The following DTWD2 variants were observed in gnomAD, a reference collection of about 807,000 sequenced individuals.
DTWD2 encodes the protein DTW motif tRNA-uridine aminocarboxypropyltransferase 2, also known as tRNA-uridine aminocarboxypropyltransferase 2.
DTWD2 carries 39 observed loss-of-function variants against 31.8 expected under a neutral mutation model. The ratio of observed to expected loss-of-function variants is 1.22; its 90% CI spans 0.95 to 1.60. The LOEUF (loss-of-function observed/expected upper bound fraction) is 1.60. Among genes scored for constraint, DTWD2 ranks in the 40% most tolerant of loss-of-function variants. DTWD2 has a pLI of 0.00. For synonymous variants in DTWD2, 180 were observed against 142.8 expected (o/e 1.26, Z -1.86); for missense variants, 515 against 381.5 (o/e 1.35, Z -2.92).
chr5:118,971,532 G>A (rs143760712), intron 1 of DTWD2, among the ~76,000 whole-genome samples: 1 of 152,244 alleles, frequency 6.6e-6, no homozygotes, highest in Admixed American at 6.5e-5. Flanking sequence ...CAATAATAGT[G>A]AGAGACTTTA....
At chr5:118,919,451 A>G (rs1446825715) in intron 4 of DTWD2, among the ~76,000 whole-genome samples, 2 of 152,230 alleles carry the variant, frequency 1.3e-5, no homozygotes, top group Non-Finnish European at 2.9e-5. Flanking sequence ...CACCTTTAGA[A>G]TGTGAACAAA....
At chr5:118,899,914 G>A (rs1293173960) in intron 4 of DTWD2, among the ~76,000 whole-genome samples, 1 of 148,540 alleles carries the variant, frequency 6.7e-6, no homozygotes, top group Non-Finnish European at 1.5e-5. Context: ...CGATTCTCCT[G>A]CTTCAGCCTC....
chr5:118,974,321 A>G (rs397842549), intron 1 of DTWD2, among the ~76,000 whole-genome samples: 4 of 152,036 alleles, frequency 2.6e-5, no homozygotes, highest in Non-Finnish European at 5.9e-5. Context: ...ACAGGGGAGG[A>G]AAAAAGAACC....
intron 4 of DTWD2, among the ~76,000 whole-genome samples, chr5:118,887,871 G>A (rs886216562): frequency 6.6e-6 from 1 of 152,122 alleles, no homozygotes; most frequent in African/African-American, 2.4e-5. Flanking sequence ...AAACTCCTAA[G>A]CTCAAGTGAC....
intron 2 of DTWD2, among the ~76,000 whole-genome samples, chr5:118,944,059 G>GA (rs1754270573): frequency 1.3e-5 from 2 of 152,076 alleles, no homozygotes; most frequent in South Asian, 4.1e-4. Context: ...ACCTGCACAA[G>GA]AAAGTATTAA....
intron 4 of DTWD2, among the ~76,000 whole-genome samples, chr5:118,894,013 C>G (rs1189818057): frequency 6.6e-6 from 1 of 151,216 alleles, no homozygotes; most frequent in Non-Finnish European, 1.5e-5. Flanking sequence ...AGGCACCCAG[C>G]CTGGGTGACA....
intron 1 of DTWD2, among the ~76,000 whole-genome samples, chr5:118,946,597 A>C: frequency 6.6e-6 from 1 of 152,356 alleles, no homozygotes; most frequent in Non-Finnish European, 1.5e-5. Flanking sequence ...ATAACCAGGC[A>C]AATTTAAATA....
At position 118,892,798 on chromosome 5, in the gene DTWD2, C is replaced by T. The variant is rs72784029; in HGVS notation, c.597+35739G>A. On this transcript the variant is annotated intron_variant, in intron 4 of 5. Transcript: ENST00000510708. ...TTCTAGGAGGTAAAAAAAAACCCAG[C>T]TCCATAAATATGAAACAACATATGT... Among the ~76,000 whole-genome samples, 549 of 152,122 alleles carry T rather than the reference C, an allele frequency of 3.6e-3. 2 individuals carry two copies. The highest frequency in any genetic ancestry group is 6.0e-3 in the Non-Finnish European group (407 of 67,974).
intron 4 of DTWD2, among the ~76,000 whole-genome samples, chr5:118,913,505 A>G (rs971583325): frequency 1.3e-5 from 2 of 150,044 alleles, no homozygotes; most frequent in African/African-American, 4.9e-5. Context: ...TGGTCTATAG[A>G]GTTTTAAAAT....
At chr5:118,907,292 T>C (rs192683623) in intron 4 of DTWD2, among the ~76,000 whole-genome samples, 1 of 152,344 alleles carries the variant, frequency 6.6e-6, no homozygotes, top group Admixed American at 6.5e-5. Flanking sequence ...AGTGGTTATT[T>C]TAGACTTGTA....
intron 4 of DTWD2, among the ~76,000 whole-genome samples, chr5:118,887,841 A>G (rs1752900101): frequency 1.3e-5 from 2 of 152,146 alleles, no homozygotes; most frequent in African/African-American, 4.8e-5. Flanking sequence ...AGGTCTCTCT[A>G]TGCTGCCCAG....
In DTWD2 at chr5:118,838,978, CG is replaced by C. The variant is rs1385073517; in HGVS notation, c.*1938del. The C allele has an allele frequency of 6.6e-6, 1 of 151,840 alleles. No individual in the cohort carries two copies. The highest frequency in any genetic ancestry group is 1.9e-4 in the East Asian group (1 of 5,162). The allele number at this position is 151,840 out of a possible 1,614,324, so 9.4% of individuals were successfully genotyped here. A position where few individuals can be genotyped will look rare whatever the true frequency, so the allele number is the denominator to read the frequency against. On this transcript the variant is annotated 3_prime_UTR_variant, in exon 6 of 6. Transcript: ENST00000510708. ...GAGATCGAGACCATCCTGGCTAATACGGTGAAACCCCATCTCTACTAAAAAT... is the reference window on the plus strand; with the variant it reads ...GAGATCGAGACCATCCTGGCTAATACGTGAAACCCCATCTCTACTAAAAAT...
chr5:118,923,997 G>A (rs756087693), intron 4 of DTWD2, among the ~76,000 whole-genome samples: 5 of 152,184 alleles, frequency 3.3e-5, no homozygotes, highest in African/African-American at 9.6e-5. Context: ...ACTGGCTTCT[G>A]CAGCCCAGTG....
At chr5:118,875,278 T>C (rs1484050740) in intron 4 of DTWD2, among the ~76,000 whole-genome samples, 1 of 152,082 alleles carries the variant, frequency 6.6e-6, no homozygotes, top group African/African-American at 2.4e-5. Flanking sequence ...AGTGACACTA[T>C]AAAGCAACCA....
chr5:118,965,744 TC>T (rs1358155968), intron 1 of DTWD2, among the ~76,000 whole-genome samples: 10 of 152,126 alleles, frequency 6.6e-5, no homozygotes, highest in African/African-American at 2.4e-4. Flanking sequence ...GGCAGCATGC[TC>T]GTTAAGAGTC....
At chr5:118,963,694 T>C (rs969660406) in intron 1 of DTWD2, among the ~76,000 whole-genome samples, 3 of 152,206 alleles carry the variant, frequency 2.0e-5, no homozygotes, top group Non-Finnish European at 4.4e-5. Context: ...TGCCGAGTGA[T>C]GGCACAGAGA....
chr5:118,963,718 A>G (rs1447916492), intron 1 of DTWD2, among the ~76,000 whole-genome samples: 1 of 152,178 alleles, frequency 6.6e-6, no homozygotes, highest in Non-Finnish European at 1.5e-5. Context: ...GCCAGGTACT[A>G]AAGAGTAGTT....
chr5:118,859,060 T>G (rs1679534559), intron 4 of DTWD2, among the ~76,000 whole-genome samples: 1 of 152,140 alleles, frequency 6.6e-6, no homozygotes, highest in South Asian at 2.1e-4. Flanking sequence ...CCCTGACCCC[T>G]CCATAATAAA....
intron 4 of DTWD2, among the ~76,000 whole-genome samples, chr5:118,867,245 T>G (rs1364507927): frequency 3.3e-5 from 5 of 152,206 alleles, no homozygotes; most frequent in Non-Finnish European, 7.4e-5. Flanking sequence ...TAGTTTAAAA[T>G]TGAACAGCAT....
Sources: gnomAD v4.1 joint callset for allele counts (sites outside exome capture counted in the v4.1 genomes callset) on GRCh38, gnomAD v4.1.1 for gene constraint, MANE v1.5 for transcripts, NCBI Gene and HGNC (gene_info 2026-07-23, HGNC 2026-07-21) for gene names.